PPARGC1B: variants seen among roughly 807,000 people sequenced by gnomAD.
PPARGC1B encodes peroxisome proliferator-activated receptor gamma coactivator 1-beta.
Under a neutral mutation model 101.6 loss-of-function variants are expected in PPARGC1B, and 34 were observed. That is an observed-to-expected ratio of 0.33 (90% CI 0.25 to 0.45). PPARGC1B has a LOEUF of 0.45. PPARGC1B is among the 20% of genes least tolerant of loss of function. PPARGC1B has a pLI of 1.00. For synonymous variants in PPARGC1B, 548 were observed against 539.3 expected, an observed-to-expected ratio of 1.02 and a Z score of -0.22; for missense variants, 1,234 against 1,317.6, an observed-to-expected ratio of 0.94 and a Z score of 0.98.
At position 149,847,697 on chromosome 5, in the gene PPARGC1B, T is replaced by C. The variant is rs2113455673; in HGVS notation, c.*139T>C. 1.3e-5 allele frequency: 8 copies of C among 626,514 alleles called. No homozygotes were observed. Among genetic ancestry groups the C allele is most frequent in the South Asian group, 8.3e-5 (4 of 48,308 alleles). 38.8% of individuals were successfully genotyped at this position (626,514 alleles called of 1,614,324 possible). ...ACCCGTGAGAGAGACTTGAAACTGCTGTCCTTTAAAAAAAAAAAAAATCAA... is the reference window on the plus strand; with the variant it reads ...ACCCGTGAGAGAGACTTGAAACTGCCGTCCTTTAAAAAAAAAAAAAATCAA... On this transcript the variant is annotated 3_prime_UTR_variant, in exon 12 of 12. Coordinates refer to ENST00000309241, the MANE Select transcript of PPARGC1B (RefSeq NM_133263.4).
Position 149,833,811 on chromosome 5 carries a change from C to T in PPARGC1B, c.1705+33C>T, listed in dbSNP as rs1011316844. 6.9e-7 allele frequency: 1 copy of T among 1,456,956 alleles called. No individual in the cohort carries two copies. Among genetic ancestry groups the T allele is most frequent in the Non-Finnish European group, 9.0e-7 (1 of 1,108,526 alleles). 90.3% of individuals were successfully genotyped at this position (1,456,956 alleles called of 1,614,324 possible). ...GAGTTGGTGGTCTGCGAAGTGGGGGCAGGGATGGGGTGCAGCATGCCCCTC... is the reference window on the plus strand; with the variant it reads ...GAGTTGGTGGTCTGCGAAGTGGGGGTAGGGATGGGGTGCAGCATGCCCCTC... On this transcript the variant is annotated intron_variant, in intron 5 of 11. Transcript: ENST00000309241. The surrounding 1 kb of genome is among the most constrained non-coding windows in gnomAD (Gnocchi z 4.1).
At position 149,810,053 on chromosome 5, in the gene PPARGC1B, G is replaced by A. The variant is rs551420378; in HGVS notation, c.79-10380G>A. Among the ~76,000 whole-genome samples the A allele has an allele frequency of 2.0e-4, 30 of 152,270 alleles. No individual in the cohort carries two copies. The South Asian group carries it at 3.7e-3, about 19-fold the overall frequency. On this transcript the variant is annotated intron_variant, in intron 1 of 11. Transcript: ENST00000309241. ...GAGGGAGGCTGGTCTTGAGAGATGC[G>A]GAGAGGGCAAGCAACTCCCTGTAAC...
At chr5:149,758,728 TG>T (rs1755621920) in intron 1 of PPARGC1B, among the ~76,000 whole-genome samples, 1 of 152,244 alleles carries the variant, frequency 6.6e-6, no homozygotes, top group African/African-American at 2.4e-5. Context: ...CCAGGCTCCA[TG>T]GTGTCTTGTA....
At chr5:149,838,342 C>T (rs1172100149) in intron 8 of PPARGC1B, among the ~76,000 whole-genome samples, 3 of 152,152 alleles carry the variant, frequency 2.0e-5, no homozygotes, top group South Asian at 2.1e-4. Flanking sequence ...GTGAGGTCCG[C>T]AGCAATTTCT....
intron 3 of PPARGC1B, among the ~76,000 whole-genome samples, chr5:149,829,505 GT>G (rs1271470612): frequency 6.6e-6 from 1 of 152,108 alleles, no homozygotes; most frequent in Non-Finnish European, 1.5e-5. Context: ...GGGGTGGCAT[GT>G]TCCCCAGGGA....
chr5:149,770,309 TA>T (rs1756079760), intron 1 of PPARGC1B, among the ~76,000 whole-genome samples: 1 of 152,110 alleles, frequency 6.6e-6, no homozygotes, highest in African/African-American at 2.4e-5. Flanking sequence ...GATTCAAGTT[TA>T]AAAAAAGGCG....
chr5:149,761,467 C>T (rs1755714920), intron 1 of PPARGC1B: 1 of 152,048 alleles, frequency 6.6e-6, no homozygotes, highest in Non-Finnish European at 1.5e-5. Flanking sequence ...GTGCTTTTCC[C>T]ACTTCTGGGT....
At chr5:149,829,289 G>GC (rs1758648652) in intron 3 of PPARGC1B, among the ~76,000 whole-genome samples, 2 of 152,140 alleles carry the variant, frequency 1.3e-5, no homozygotes, top group South Asian at 4.1e-4. Flanking sequence ...AGGAATCAAG[G>GC]CTCTCACAGT....
intron 1 of PPARGC1B, among the ~76,000 whole-genome samples, chr5:149,760,711 A>G (rs1755687865): frequency 6.6e-6 from 1 of 152,184 alleles, no homozygotes; most frequent in African/African-American, 2.4e-5. Context: ...CTGCTGCACA[A>G]ATAAGAAAGG....
intron 1 of PPARGC1B, among the ~76,000 whole-genome samples, chr5:149,753,024 C>T (rs938394250): frequency 6.6e-6 from 1 of 152,104 alleles, no homozygotes; most frequent in Non-Finnish European, 1.5e-5. Context: ...AACTTGCTGC[C>T]TCCTGGGTTT....
At position 149,837,968 on chromosome 5, in the gene PPARGC1B, TGGGGCA is replaced by T. The variant is rs532824869; in HGVS notation, c.2618+917_2618+922del. Among the ~76,000 whole-genome samples the T allele has an allele frequency of 2.6e-5, 4 of 151,434 alleles. No homozygotes were observed. The highest frequency in any genetic ancestry group is 3.9e-4 in the East Asian group (2 of 5,156). On this transcript the variant is annotated intron_variant, in intron 8 of 11. Coordinates refer to ENST00000309241, the MANE Select transcript of PPARGC1B (RefSeq NM_133263.4). The surrounding 1 kb of genome is among the most constrained non-coding windows in gnomAD (Gnocchi z 4.2). ...GGGTGTCTGATCTGTAGGTCTGGGG[TGGGGCA>T]GGGGCAGGGGCAGGGGCAGGGATTG...
intron 1 of PPARGC1B, among the ~76,000 whole-genome samples, chr5:149,793,666 GCTGT>G (rs2113265581): frequency 6.6e-6 from 1 of 152,332 alleles, no homozygotes; most frequent in East Asian, 1.9e-4. Flanking sequence ...CGCTTGGAAA[GCTGT>G]CTGACCAGTC....
intron 1 of PPARGC1B, among the ~76,000 whole-genome samples, chr5:149,820,232 G>T (rs576619911): frequency 6.6e-6 from 1 of 152,158 alleles, no homozygotes; most frequent in African/African-American, 2.4e-5. Flanking sequence ...AGAGCAGCAG[G>T]GGGTTTTGTA....
intron 1 of PPARGC1B, among the ~76,000 whole-genome samples, chr5:149,737,155 A>T (rs1754746980): frequency 6.6e-6 from 1 of 152,160 alleles, no homozygotes; most frequent in African/African-American, 2.4e-5. Context: ...AGTTGGAATC[A>T]CGCAGTATGT....
intron 1 of PPARGC1B, among the ~76,000 whole-genome samples, chr5:149,777,493 G>C (rs976942927): frequency 1.5e-4 from 23 of 152,124 alleles, no homozygotes; most frequent in Non-Finnish European, 3.1e-4. Flanking sequence ...AGGAGTGGGA[G>C]GGGGCCTGCC....
chr5:149,857,234 C>T (rs1264490805), downstream of PPARGC1B, among the ~76,000 whole-genome samples: 2 of 152,206 alleles, frequency 1.3e-5, no homozygotes, highest in African/African-American at 2.4e-5. Flanking sequence ...AGATCGTGCA[C>T]AGTACCTAGG....
chr5:149,857,399 G>A (rs555666254), downstream of PPARGC1B, among the ~76,000 whole-genome samples: 4 of 152,260 alleles, frequency 2.6e-5, no homozygotes, highest in African/African-American at 9.6e-5. Context: ...GGAACCTGCC[G>A]AAGGGACTCA....
chr5:149,774,512 T>C (rs1756278872), intron 1 of PPARGC1B, among the ~76,000 whole-genome samples: 1 of 152,034 alleles, frequency 6.6e-6, no homozygotes, highest in Non-Finnish European at 1.5e-5. Context: ...ATGACCGGCC[T>C]GACCACAATA....
At chr5:149,810,603 C>T (rs1179473270) in intron 1 of PPARGC1B, among the ~76,000 whole-genome samples, 1 of 152,218 alleles carries the variant, frequency 6.6e-6, no homozygotes, top group Non-Finnish European at 1.5e-5. Context: ...TAAGATAACA[C>T]CTACCCAGGA....
Sources: allele counts gnomAD v4.1 joint callset (sites outside exome capture counted in the v4.1 genomes callset), GRCh38; gene constraint gnomAD v4.1.1; non-coding constraint Gnocchi (gnomAD v3.1); transcripts MANE v1.5; gene names NCBI Gene and HGNC (gene_info 2026-07-23, HGNC 2026-07-21).